NBEA: variants seen among roughly 807,000 people sequenced by gnomAD.
The protein encoded by NBEA is lysosomal-trafficking regulator 2.
In NBEA, 44 loss-of-function variants were observed where a neutral mutation model predicts 343.4. The ratio of observed to expected loss-of-function variants is 0.13; its 90% CI spans 0.10 to 0.16. The LOEUF (loss-of-function observed/expected upper bound fraction) is 0.16, where lower values mean the gene tolerates loss of function less well. Ranked by LOEUF, NBEA falls within the 10% of genes least tolerant of loss-of-function variation. The pLI is 1.00. For synonymous variants in NBEA, 1,175 were observed against 1,238.7 expected (o/e 0.95, Z 1.08); for missense variants, 2,555 against 3,631.3 (o/e 0.70, Z 7.62).
At chr13:34,947,193 A>C (rs1050293595) in intron 1 of NBEA, among the ~76,000 whole-genome samples, 4 of 152,116 alleles carry the variant, frequency 2.6e-5, no homozygotes, top group Non-Finnish European at 4.4e-5. Flanking sequence ...CGAGGTTTCA[A>C]TATCTTAAGG....
intron 38 of NBEA, among the ~76,000 whole-genome samples, chr13:35,370,040 C>A (rs2041339318): frequency 6.6e-6 from 1 of 151,744 alleles, no homozygotes; most frequent in South Asian, 2.1e-4. Context: ...TCTGTTAGAC[C>A]CATTTGGTCT....
chr13:35,555,056 G>A lies in NBEA; in HGVS notation c.6876G>A (p.Arg2292=), dbSNP rs1180960461. The A allele has an allele frequency of 6.2e-7, 1 of 1,611,896 alleles. No individual in the cohort carries two copies. Among genetic ancestry groups the A allele is most frequent in the East Asian group, 2.2e-5 (1 of 44,782 alleles). The part of the protein sequence containing the change: ...SSNMTQRWQR[R]EISNFEYLMF... ...ATATGACTCAGCGCTGGCAAAGAAG[G>A]GAAATTTCAAACTTCGAATATTTGA... The change falls in exon 44 of 59, where the codon AGG becomes AGA. Residue 2292 remains arginine, a synonymous_variant. Transcript: ENST00000379939.
chr13:35,640,721 T>G (rs2083905071), intron 49 of NBEA, among the ~76,000 whole-genome samples: 1 of 152,204 alleles, frequency 6.6e-6, no homozygotes, highest in Non-Finnish European at 1.5e-5. Context: ...TAATGGGAGC[T>G]CTATATACAG....
rs2083961658 is a variant in NBEA at position 35,641,751 on chromosome 13, A to G, written c.7618-4118A>G. ...ATTCTCTCATGTACCCACCACCCAG[A>G]CCAAGATATGGAACCTTCTAGTTCC... On this transcript the variant is annotated intron_variant, in intron 49 of 58. Transcript: ENST00000379939. Among the ~76,000 whole-genome samples, 3 of 152,254 alleles carry G rather than the reference A, an allele frequency of 2.0e-5. No homozygotes were observed. The South Asian group carries it at 6.2e-4, about 32-fold the overall frequency.
intron 1 of NBEA, among the ~76,000 whole-genome samples, chr13:34,983,640 A>G (rs2060440270): frequency 6.6e-6 from 1 of 152,182 alleles, no homozygotes; most frequent in Non-Finnish European, 1.5e-5. Context: ...TCTCACCAAC[A>G]GTGTAAAATT....
chr13:35,476,109 G>A, intron 41 of NBEA: 10 of 1,614,194 alleles, frequency 6.2e-6, no homozygotes, highest in Non-Finnish European at 8.5e-6. Context: ...TATTCAGATG[G>A]TAGACCAGCT....
At chr13:35,548,211 G>T (rs2079152973) in intron 41 of NBEA, among the ~76,000 whole-genome samples, 1 of 152,138 alleles carries the variant, frequency 6.6e-6, no homozygotes, top group Admixed American at 6.5e-5. Flanking sequence ...AGCAATTAAG[G>T]GTGAATTTGC....
rs973756637 is a variant in NBEA at position 35,326,446 on chromosome 13, T to C, written c.5903+16854T>C. ...TATTTGGCTCAAAACTTGAATGTTA[T>C]TGGTGTGTAGAAATGCTACTGATTT... On this transcript the variant is annotated intron_variant, in intron 36 of 58. Coordinates refer to ENST00000379939, the MANE Select transcript of NBEA (RefSeq NM_001385012.1). Among the ~76,000 whole-genome samples the C allele has an allele frequency of 2.0e-5, 3 of 152,054 alleles. 1 individual carries two copies. The South Asian group carries it at 6.2e-4, about 31-fold the overall frequency.
intron 4 of NBEA, among the ~76,000 whole-genome samples, chr13:35,046,063 G>A (rs1382154175): frequency 2.0e-5 from 3 of 151,960 alleles, no homozygotes; most frequent in African/African-American, 4.8e-5. Context: ...TTCACTTCCC[G>A]TGATGCTTTT....
intron 49 of NBEA, among the ~76,000 whole-genome samples, chr13:35,636,301 T>C (rs1003923318): frequency 2.6e-5 from 4 of 152,216 alleles, no homozygotes; most frequent in Non-Finnish European, 5.9e-5. Context: ...AATGAGCCTA[T>C]TTAAAGCCAT....
At chr13:35,392,018 A>G (rs988290872) in intron 38 of NBEA, among the ~76,000 whole-genome samples, 1 of 152,118 alleles carries the variant, frequency 6.6e-6, no homozygotes, top group Non-Finnish European at 1.5e-5. Flanking sequence ...TATATAGGGG[A>G]GACGTAAGAA....
intron 33 of NBEA, among the ~76,000 whole-genome samples, chr13:35,223,935 G>A (rs1217475729): frequency 6.6e-6 from 1 of 152,100 alleles, no homozygotes; most frequent in Non-Finnish European, 1.5e-5. Flanking sequence ...GCTCACTCAG[G>A]TTATTAGCAT....
chr13:35,464,311 T>C (rs549919582), intron 40 of NBEA, among the ~76,000 whole-genome samples: 4 of 152,314 alleles, frequency 2.6e-5, no homozygotes, highest in Admixed American at 2.0e-4. Context: ...CACATCCTCA[T>C]CTCTGGCCAA....
chr13:35,151,557 A>AG (rs924641659), intron 18 of NBEA, among the ~76,000 whole-genome samples: 4 of 151,946 alleles, frequency 2.6e-5, no homozygotes, highest in African/African-American at 9.7e-5. Flanking sequence ...AAAAAAAAAA[A>AG]AAAATTAAGG....
chr13:34,987,254 T>A (rs532799557), intron 1 of NBEA, among the ~76,000 whole-genome samples: 1 of 151,148 alleles, frequency 6.6e-6, no homozygotes, highest in Non-Finnish European at 1.5e-5. Context: ...CCTTCACTTA[T>A]GAAGCCTAGT....
chr13:35,654,200 A>G (rs913747064), intron 53 of NBEA, among the ~76,000 whole-genome samples: 5 of 152,218 alleles, frequency 3.3e-5, no homozygotes, highest in Admixed American at 6.5e-5. Context: ...TTCAGATTCA[A>G]TCCCAGGGCT....
intron 35 of NBEA, among the ~76,000 whole-genome samples, chr13:35,300,953 T>G: frequency 6.7e-6 from 1 of 150,368 alleles, no homozygotes; most frequent in African/African-American, 2.4e-5. Context: ...CTAAATATGG[T>G]AAAAAAAAAA....
chr13:35,503,262 T>A (rs2076955572), intron 41 of NBEA, among the ~76,000 whole-genome samples: 1 of 151,584 alleles, frequency 6.6e-6, no homozygotes, highest in African/African-American at 2.4e-5. Context: ...GTATAAAAAA[T>A]AAAATTAAAA....
rs773150633 is a variant in NBEA, at chr13:35,593,349, C to T, written c.7198C>T (p.Leu2400Phe). The change falls in exon 47 of 59, where the codon CTC becomes TTC. Residue 2400 changes from leucine to phenylalanine, a missense_variant. Coordinates refer to ENST00000379939, the MANE Select transcript of NBEA (RefSeq NM_001385012.1). ...TTAGGAACCTTTCACAACCTTCTTCCTCAATGCAAATGATGGAAAATTTGA... is the reference window on the plus strand; with the variant it reads ...TTAGGAACCTTTCACAACCTTCTTCTTCAATGCAAATGATGGAAAATTTGA... ...VRIEPFTTFFLNANDGKFDHP... is the reference protein window; with the variant it reads ...VRIEPFTTFFFNANDGKFDHP... 6.2e-7 allele frequency: 1 copy of T among 1,612,564 alleles called. No individual in the cohort carries two copies. Among genetic ancestry groups the T allele is most frequent in the Non-Finnish European group, 8.5e-7 (1 of 1,178,956 alleles).
Sources: allele counts gnomAD v4.1 joint callset (sites outside exome capture counted in the v4.1 genomes callset), GRCh38; gene constraint gnomAD v4.1.1; transcripts MANE v1.5; gene names NCBI Gene and HGNC (gene_info 2026-07-23, HGNC 2026-07-21).